The following PIGU variants were observed in gnomAD, a reference collection of about 807,000 sequenced individuals.
The protein encoded by PIGU is GPI-anchor transamidase component PIGU.
PIGU carries 24 observed loss-of-function variants against 49.9 expected under a neutral mutation model. The observed-to-expected ratio is 0.48, with a 90% CI of 0.35 to 0.68. The LOEUF (loss-of-function observed/expected upper bound fraction) is 0.68, where lower values mean the gene tolerates loss of function less well. PIGU is among the 30% of genes least tolerant of loss of function. The pLI is 0.01. For synonymous variants in PIGU, 220 were observed against 205.7 expected (o/e 1.07, Z -0.59); for missense variants, 490 against 532.6 (o/e 0.92, Z 0.79).
intron 2 of PIGU, among the ~76,000 whole-genome samples, chr20:34,653,451 T>A (rs571599574): frequency 6.6e-6 from 1 of 152,334 alleles, no homozygotes; most frequent in African/African-American, 2.4e-5. Context: ...AGTATCGCTA[T>A]CTCTTTTATC....
intron 11 of PIGU, among the ~76,000 whole-genome samples, chr20:34,572,421 C>A (rs528436846): frequency 1.3e-5 from 2 of 151,964 alleles, no homozygotes; most frequent in African/African-American, 4.8e-5. Context: ...TCGAGGCGGG[C>A]AAATCACTTG....
At chr20:34,632,992 G>T (rs1600645421) in intron 6 of PIGU, among the ~76,000 whole-genome samples, 2 of 149,712 alleles carry the variant, frequency 1.3e-5, no homozygotes, top group Admixed American at 1.3e-4. Context: ...ATAAAACAGT[G>T]ATTGGCACCC....
intron 4 of PIGU, among the ~76,000 whole-genome samples, chr20:34,638,340 T>C (rs1226271711): frequency 1.3e-5 from 2 of 152,228 alleles, no homozygotes; most frequent in African/African-American, 2.4e-5. Flanking sequence ...CCCTGTTATA[T>C]ATGTTCTTTC....
At chr20:34,635,988 C>T (rs966698698) in intron 5 of PIGU, among the ~76,000 whole-genome samples, 1 of 150,322 alleles carries the variant, frequency 6.7e-6, no homozygotes, top group Non-Finnish European at 1.5e-5. Context: ...AGCTCGAGTT[C>T]GAGACCAGCC....
At chr20:34,665,064 C>A (rs73610866) in intron 1 of PIGU, among the ~76,000 whole-genome samples, 1 of 152,040 alleles carries the variant, frequency 6.6e-6, no homozygotes, top group Non-Finnish European at 1.5e-5. Context: ...CACACTCTGT[C>A]GCCCACGCTA....
At chr20:34,676,547 CACACATAACCTTTTATCCCAGGG>C (rs1041615190) in intron 1 of PIGU, among the ~76,000 whole-genome samples, 3 of 152,226 alleles carry the variant, frequency 2.0e-5, no homozygotes, top group Admixed American at 6.5e-5. Context: ...CGGACCCCCT[CACACATAACCTTTTATCCCAGGG>C]AGCACCCCTG....
chr20:34,654,512 G>C lies in PIGU; in HGVS notation c.195+2668C>G. On this transcript the variant is annotated intron_variant, in intron 2 of 11. Transcript: ENST00000217446. ...AAAAAAAAAAAAAGTCTCTGAAGTT[G>C]TTCCTAACCTGTTTCTGCCAGTAGT... Among the ~76,000 whole-genome samples the C allele has an allele frequency of 1.8e-5, 2 of 112,578 alleles. 1 individual carries two copies. The highest frequency in any genetic ancestry group is 3.7e-5 in the Non-Finnish European group (2 of 53,714). The allele number at this position is 112,578 out of a possible 152,430, so 73.9% of individuals were successfully genotyped here.
chr20:34,564,512 A>AAAACTCCAGGTC (rs1445840288), intron 11 of PIGU, among the ~76,000 whole-genome samples: 64 of 152,264 alleles, frequency 4.2e-4, no homozygotes, highest in Non-Finnish European at 8.2e-4. Context: ...CAGGAAAAAA[A>AAAACTCCAGGTC]TTAACAGCAA....
chr20:34,588,897 AAATCCT>A (rs1282486196), intron 7 of PIGU, among the ~76,000 whole-genome samples: 1 of 152,182 alleles, frequency 6.6e-6, no homozygotes, highest in African/African-American at 2.4e-5. Context: ...TATCAAGAAA[AAATCCT>A]TCAATAGAGG....
chr20:34,675,038 C>T (rs1283836750), intron 1 of PIGU, among the ~76,000 whole-genome samples: 8 of 151,160 alleles, frequency 5.3e-5, no homozygotes, highest in Admixed American at 1.3e-4. Flanking sequence ...CACCTGAGGT[C>T]GGGAGTTCAA....
In PIGU at chr20:34,677,086, G is replaced by A; in HGVS notation, c.-1C>T. The stretch of plus-strand genomic sequence containing the variant: ...GCACCAGGACCAAGGGAGCCGCCAT[G>A]ATAACTGGGGCGGGCGCGCGGGCGG... On this transcript the variant is annotated 5_prime_UTR_variant, in exon 1 of 12. Transcript: ENST00000217446. 6.4e-7 allele frequency: 1 copy of A among 1,559,768 alleles called. No homozygotes were observed. Among genetic ancestry groups the A allele is most frequent in the South Asian group, 1.2e-5 (1 of 84,738 alleles).
At chr20:34,669,206 A>C (rs995489603) in intron 1 of PIGU, among the ~76,000 whole-genome samples, 1 of 152,236 alleles carries the variant, frequency 6.6e-6, no homozygotes, top group East Asian at 1.9e-4. Context: ...AATCTTAACA[A>C]CTATGGTTTA....
At position 34,634,607 on chromosome 20, in the gene PIGU, GGCCT is replaced by G; in HGVS notation, c.529+4_529+7del. The G allele has an allele frequency of 4.3e-6, 7 of 1,611,788 alleles. No individual in the cohort carries two copies. Among genetic ancestry groups the G allele is most frequent in the Non-Finnish European group, 5.9e-6 (7 of 1,178,546 alleles). The stretch of plus-strand genomic sequence containing the variant: ...ACTGACCTTTGTACTCTCCTTTCAG[GGCCT>G]TACCTTTTATCGTAGTCAAAATGAA... On this transcript the variant is annotated splice_donor_5th_base_variant and intron_variant, in intron 6 of 11. Transcript: ENST00000217446.
At chr20:34,672,272 CAAAT>C (rs1987332083) in intron 1 of PIGU, among the ~76,000 whole-genome samples, 1 of 152,102 alleles carries the variant, frequency 6.6e-6, no homozygotes, top group African/African-American at 2.4e-5. Flanking sequence ...GTTACACTAT[CAAAT>C]AAACCGATGG....
intron 9 of PIGU, among the ~76,000 whole-genome samples, chr20:34,583,592 A>G (rs1364971264): frequency 2.0e-5 from 3 of 152,236 alleles, no homozygotes; most frequent in Non-Finnish European, 4.4e-5. Flanking sequence ...CTTTGCATGC[A>G]GACAATAAAA....
At chr20:34,660,152 C>G (rs1232594285) in intron 1 of PIGU, among the ~76,000 whole-genome samples, 1 of 150,072 alleles carries the variant, frequency 6.7e-6, no homozygotes, top group African/African-American at 2.4e-5. Flanking sequence ...TTCTAAGGAT[C>G]AAATGTAGAA....
chr20:34,674,326 G>C (rs1187453724), intron 1 of PIGU, among the ~76,000 whole-genome samples: 1 of 151,978 alleles, frequency 6.6e-6, no homozygotes, highest in Non-Finnish European at 1.5e-5. Context: ...TTGCACTCCA[G>C]CCTGGGCAAC....
intron 2 of PIGU, among the ~76,000 whole-genome samples, chr20:34,655,171 G>A (rs1418667652): frequency 4.2e-5 from 5 of 120,152 alleles, no homozygotes. Context: ...TTAGCCAGCT[G>A]TGGTGGTACA....
chr20:34,586,232 T>C (rs1334566505), intron 8 of PIGU, among the ~76,000 whole-genome samples: 1 of 152,290 alleles, frequency 6.6e-6, no homozygotes, highest in East Asian at 1.9e-4. Flanking sequence ...AAATATGAAG[T>C]TGAAACTGAT....
Sources: allele counts gnomAD v4.1 joint callset (sites outside exome capture counted in the v4.1 genomes callset), GRCh38; gene constraint gnomAD v4.1.1; transcripts MANE v1.5; gene names NCBI Gene and HGNC (gene_info 2026-07-23, HGNC 2026-07-21).